Variants in INTU observed in about 807,000 individuals in gnomAD.
The protein encoded by INTU is protein inturned.
INTU carries 68 observed loss-of-function variants against 100.5 expected under a neutral mutation model. The ratio of observed to expected loss-of-function variants is 0.68; its 90% CI spans 0.56 to 0.83. The LOEUF is 0.83. Among genes scored for constraint, INTU ranks in the 40% least tolerant of loss-of-function variants. The probability of loss-of-function intolerance (pLI) is 0.00; values close to 1 mark genes in which losing one functional copy is unlikely to be tolerated. For missense variants in INTU, 1,071 were observed against 1,114.7 expected (o/e 0.96, Z 0.56); for synonymous variants, 357 against 395.7 (o/e 0.90, Z 1.16).
chr4:127,707,325 A>G (rs1018330012), intron 12 of INTU, among the ~76,000 whole-genome samples: 37 of 137,108 alleles, frequency 2.7e-4, no homozygotes, highest in African/African-American at 9.6e-4. Context: ...AGAGGTTGCA[A>G]TGAGCCGAGA....
intron 3 of INTU, among the ~76,000 whole-genome samples, chr4:127,658,772 A>G (rs1009006872): frequency 6.6e-5 from 10 of 152,196 alleles, no homozygotes; most frequent in Admixed American, 6.5e-4. Flanking sequence ...AGGATTTAAT[A>G]TTTTGGACCA....
chr4:127,712,272 A>AT (rs998460575), intron 14 of INTU, among the ~76,000 whole-genome samples: 22 of 151,422 alleles, frequency 1.5e-4, no homozygotes, highest in South Asian at 2.1e-4. Flanking sequence ...GTCTTGTAGG[A>AT]TTTTTTTTTG....
At chr4:127,651,297 C>T (rs1727860919) in intron 2 of INTU, among the ~76,000 whole-genome samples, 2 of 152,110 alleles carry the variant, frequency 1.3e-5, no homozygotes, top group Non-Finnish European at 2.9e-5. Flanking sequence ...CTTACCCGTG[C>T]CTATGTCTTG....
intron 13 of INTU, among the ~76,000 whole-genome samples, chr4:127,709,567 A>G (rs2148735260): frequency 6.6e-6 from 1 of 152,264 alleles, no homozygotes; most frequent in Non-Finnish European, 1.5e-5. Flanking sequence ...TTATATATTC[A>G]CTTCTTGTGC....
chr4:127,654,401 C>T (rs1342712019), intron 2 of INTU, among the ~76,000 whole-genome samples: 1 of 152,088 alleles, frequency 6.6e-6, no homozygotes, highest in Non-Finnish European at 1.5e-5. Flanking sequence ...TTCAGGAGCT[C>T]TTTTAGGGCA....
At position 127,719,881 on chromosome 4, in the gene INTU, T is replaced by C. The variant is rs555380923; in HGVS notation, c.*3445T>C. ...TTTGGTTCTTCTCTCTTTTCTTCTTTATTAGTCTAGCTAATAGTCTATTTT... is the reference window on the plus strand; with the variant it reads ...TTTGGTTCTTCTCTCTTTTCTTCTTCATTAGTCTAGCTAATAGTCTATTTT... On this transcript the variant is annotated 3_prime_UTR_variant, in exon 16 of 16. Transcript: ENST00000335251. 2.6e-5 allele frequency: 4 copies of C among 152,246 alleles called. No individual in the cohort carries two copies. Among genetic ancestry groups the C allele is most frequent in the Admixed American group, 2.6e-4 (4 of 15,298 alleles). 9.4% of individuals were successfully genotyped at this position (152,246 alleles called of 1,614,324 possible).
chr4:127,688,971 C>CTTTTT (rs763570146), intron 8 of INTU, among the ~76,000 whole-genome samples: 13 of 88,012 alleles, frequency 1.5e-4, no homozygotes, highest in African/African-American at 3.5e-4. Context: ...TTCTTTCTTT[C>CTTTTT]TTTTTTTTTT....
rs1553982611 is a variant in INTU at position 127,691,962 on chromosome 4, G to GTATATA, written c.1449+4109_1449+4114dup. On this transcript the variant is annotated intron_variant, in intron 8 of 15. Coordinates refer to ENST00000335251, the MANE Select transcript of INTU (RefSeq NM_015693.4). ...GGCGGAGTATAGTGTTCCATGGTAT[G>GTATATA]TATATATATATATATATATGTCACA... Among the ~76,000 whole-genome samples, 114 of 98,246 alleles carry GTATATA rather than the reference G, an allele frequency of 1.2e-3. 7 individuals carry two copies. Among genetic ancestry groups the GTATATA allele is most frequent in the African/African-American group, 4.2e-3 (105 of 24,928 alleles). 64.5% of individuals were successfully genotyped at this position (98,246 alleles called of 152,430 possible). A position where few individuals can be genotyped will look rare whatever the true frequency, so the allele number is the denominator to read the frequency against.
intron 1 of INTU, among the ~76,000 whole-genome samples, chr4:127,634,221 TCTG>T (rs995917262): frequency 1.3e-5 from 2 of 152,358 alleles, no homozygotes; most frequent in African/African-American, 4.8e-5. Flanking sequence ...TTTTTTGTAA[TCTG>T]CTGTAGGCAT....
intron 14 of INTU, among the ~76,000 whole-genome samples, chr4:127,712,987 T>G (rs1731146945): frequency 6.6e-6 from 1 of 152,160 alleles, no homozygotes; most frequent in Non-Finnish European, 1.5e-5. Context: ...GGGAGAGTAC[T>G]GGAGCAAACT....
rs552147783 is a variant in INTU, at chr4:127,691,010, C to T, written c.1449+3143C>T. Among the ~76,000 whole-genome samples the T allele has an allele frequency of 3.3e-5, 5 of 152,246 alleles. No homozygotes were observed. The East Asian group carries it at 9.6e-4, about 29-fold the overall frequency. On this transcript the variant is annotated intron_variant, in intron 8 of 15. Coordinates refer to ENST00000335251, the MANE Select transcript of INTU (RefSeq NM_015693.4). ...CTGTGTTCTGCCTATCCCTCTCTTTCATCCCTCCCTTTCCATTAACCCCTG... is the reference window on the plus strand; with the variant it reads ...CTGTGTTCTGCCTATCCCTCTCTTTTATCCCTCCCTTTCCATTAACCCCTG...
rs997270444 is a variant in INTU at position 127,723,330 on chromosome 4, G to T, written c.*6894G>T. Reference sequence around the variant, plus strand: ...TGACTCACAGTTTTCTTCCTTCTTGGTGGGAGCTGCAGAGCAGAGCTGCCT... The same window carrying T: ...TGACTCACAGTTTTCTTCCTTCTTGTTGGGAGCTGCAGAGCAGAGCTGCCT... On this transcript the variant is annotated 3_prime_UTR_variant, in exon 16 of 16. Coordinates refer to ENST00000335251, the MANE Select transcript of INTU (RefSeq NM_015693.4). 4.6e-5 allele frequency: 7 copies of T among 151,000 alleles called. No individual in the cohort carries two copies. The highest frequency in any genetic ancestry group is 1.7e-4 in the African/African-American group (7 of 40,956). The allele number at this position is 151,000 out of a possible 1,614,324, so 9.4% of individuals were successfully genotyped here. A position where few individuals can be genotyped will look rare whatever the true frequency, so the allele number is the denominator to read the frequency against.
chr4:127,706,878 G>A lies in INTU; in HGVS notation c.2180G>A (p.Gly727Asp), dbSNP rs1195935029. 1 of 1,613,960 alleles carries A rather than the reference G, an allele frequency of 6.2e-7. No individual in the cohort carries two copies. Among genetic ancestry groups the A allele is most frequent in the African/African-American group, 1.3e-5 (1 of 74,900 alleles). Residue 727 changes from glycine to aspartate, a missense_variant, in exon 12 of 16, where the codon GGC becomes GAC. Gly to Asp is a moderately conservative substitution (Grantham distance 94, BLOSUM62 -1). Transcript: ENST00000335251. ...DNGCEGGEDDGFSPHTTPDAV... is the reference protein window; with the variant it reads ...DNGCEGGEDDDFSPHTTPDAV... ...GGTTGTGAAGGTGGAGAAGATGATG[G>A]CTTTAGCCCCCATACTACACCGGAT... is the stretch of plus-strand genomic sequence containing the variant.
intron 2 of INTU, among the ~76,000 whole-genome samples, chr4:127,653,802 G>C (rs1003299603): frequency 2.6e-5 from 4 of 151,684 alleles, no homozygotes; most frequent in Non-Finnish European, 5.9e-5. Context: ...TCGTTGATCT[G>C]TCTAATGTTG....
At chr4:127,661,423 A>G (rs1728471564) in intron 3 of INTU, among the ~76,000 whole-genome samples, 1 of 152,052 alleles carries the variant, frequency 6.6e-6, no homozygotes, top group South Asian at 2.1e-4. Flanking sequence ...GCTGGGAAAG[A>G]TGCCTTCCTT....
At chr4:127,660,696 G>A (rs1351864518) in intron 3 of INTU, among the ~76,000 whole-genome samples, 1 of 152,186 alleles carries the variant, frequency 6.6e-6, no homozygotes, top group Non-Finnish European at 1.5e-5. Context: ...GAGTCATAGA[G>A]AGTGCGTCCT....
chr4:127,663,666 A>T, intron 4 of INTU, 82 bp downstream of exon 4: 1 of 991,652 alleles, frequency 1.0e-6, no homozygotes, highest in Non-Finnish European at 1.5e-6. Context: ...TCGTATTCCC[A>T]GTGAATAGTG....
At chr4:127,639,631 A>T (rs1354366592) in intron 1 of INTU, among the ~76,000 whole-genome samples, 1 of 152,106 alleles carries the variant, frequency 6.6e-6, no homozygotes, top group Non-Finnish European at 1.5e-5. Flanking sequence ...TCCTCTTTTT[A>T]AAAAATTGAC....
At chr4:127,641,702 T>G (rs1037245082) in intron 1 of INTU, among the ~76,000 whole-genome samples, 4 of 152,130 alleles carry the variant, frequency 2.6e-5, no homozygotes, top group Non-Finnish European at 5.9e-5. Context: ...TCTCACTTTC[T>G]CTTCTTTACT....
Sources: allele counts gnomAD v4.1 joint callset (sites outside exome capture counted in the v4.1 genomes callset), GRCh38; gene constraint gnomAD v4.1.1; transcripts MANE v1.5; gene names NCBI Gene and HGNC (gene_info 2026-07-23, HGNC 2026-07-21).